The following ENTHD1 variants were observed in gnomAD, a reference collection of about 807,000 sequenced individuals.
The protein encoded by ENTHD1 is ENTH domain-containing protein 1.
In ENTHD1, 23 loss-of-function variants were observed where a neutral mutation model predicts 39.1. That is an observed-to-expected ratio of 0.59 (90% CI 0.42 to 0.83). The LOEUF (loss-of-function observed/expected upper bound fraction) is 0.83, where lower values mean the gene tolerates loss of function less well. ENTHD1 is among the 40% of genes least tolerant of loss of function. ENTHD1 has a pLI of 0.00. For synonymous variants in ENTHD1, 230 were observed against 258.2 expected (o/e 0.89, Z 1.05); for missense variants, 624 against 705.4 (o/e 0.88, Z 1.31).
chr22:39,833,615 T>G (rs529850516), intron 4 of ENTHD1, among the ~76,000 whole-genome samples: 7 of 152,000 alleles, frequency 4.6e-5, no homozygotes, highest in Middle Eastern at 3.4e-3. Flanking sequence ...AATAAATTAC[T>G]AAGCTGGAAG....
chr22:39,749,586 T>C (rs1358117356), intron 6 of ENTHD1, among the ~76,000 whole-genome samples: 2 of 152,240 alleles, frequency 1.3e-5, no homozygotes, highest in Non-Finnish European at 1.5e-5. Context: ...AGGTCTTTGG[T>C]CAACTAAACA....
At chr22:39,820,541 G>A (rs1284135952) in intron 5 of ENTHD1, among the ~76,000 whole-genome samples, 3 of 152,132 alleles carry the variant, frequency 2.0e-5, no homozygotes, top group South Asian at 2.1e-4. Flanking sequence ...GAACTCAATC[G>A]TGTAATTTAT....
At chr22:39,752,792 T>C (rs952652276) in intron 6 of ENTHD1, among the ~76,000 whole-genome samples, 7 of 152,186 alleles carry the variant, frequency 4.6e-5, no homozygotes, top group African/African-American at 1.4e-4. Context: ...CAAGAGTTGC[T>C]GGGGCTTCCT....
chr22:39,861,867 A>T lies in ENTHD1; in HGVS notation c.490T>A (p.Ser164Thr). Residue 164 changes from serine (S) to threonine (T), a missense_variant, in exon 3 of 7, where the codon TCA (serine) becomes ACA (threonine). By Grantham distance (58) the Ser-to-Thr change is moderately conservative (BLOSUM62 1). Transcript: ENST00000325157. The stretch of plus-strand genomic sequence containing the variant: ...GTGCACGCTGTCAGTGAGTTACTTG[A>T]ACCAAGTTGTCTTTTAGAAAACAAT... ...SILFSKRQLG[S>T]SNSLTACTSA... The T allele has an allele frequency of 6.2e-7, 1 of 1,606,246 alleles. No homozygotes were observed. Among genetic ancestry groups the T allele is most frequent in the African/African-American group, 1.3e-5 (1 of 74,998 alleles).
intron 5 of ENTHD1, among the ~76,000 whole-genome samples, chr22:39,820,588 T>C (rs1320451566): frequency 2.6e-5 from 4 of 152,208 alleles, no homozygotes; most frequent in Non-Finnish European, 5.9e-5. Flanking sequence ...ACTGTGCCTT[T>C]CTCTAATGTT....
At position 39,838,592 on chromosome 22, in the gene ENTHD1, A is replaced by G. The variant is rs117985624; in HGVS notation, c.593-2634T>C. Among the ~76,000 whole-genome samples the G allele has an allele frequency of 3.6e-4, 55 of 152,210 alleles. 1 individual carries two copies. The highest frequency in any genetic ancestry group is 6.8e-4 in the Non-Finnish European group (46 of 67,990). On this transcript the variant is annotated intron_variant, in intron 3 of 6. Transcript: ENST00000325157. Reference sequence around the variant, plus strand: ...GTAGCTAGCAATCAGTCACACTCCTATGTGGGCAAACGAGCAGTTCCAATT... The same window carrying G: ...GTAGCTAGCAATCAGTCACACTCCTGTGTGGGCAAACGAGCAGTTCCAATT...
intron 5 of ENTHD1, among the ~76,000 whole-genome samples, chr22:39,769,273 G>A (rs2065303418): frequency 6.6e-6 from 1 of 152,138 alleles, no homozygotes; most frequent in African/African-American, 2.4e-5. Context: ...TACCCCAAAA[G>A]GCAGACTTGG....
intron 5 of ENTHD1, among the ~76,000 whole-genome samples, chr22:39,809,574 G>A (rs1350407985): frequency 1.3e-5 from 2 of 152,342 alleles, no homozygotes; most frequent in East Asian, 3.9e-4. Context: ...AGCTCCATGA[G>A]ATGGGACTGT....
chr22:39,818,153 G>A (rs1469817476), intron 5 of ENTHD1, among the ~76,000 whole-genome samples: 20 of 152,104 alleles, frequency 1.3e-4, no homozygotes, highest in Admixed American at 1.2e-3. Flanking sequence ...ACACAGCCAC[G>A]ATGCTGTCAG....
At chr22:39,765,838 C>G (rs2065272377) in intron 5 of ENTHD1, among the ~76,000 whole-genome samples, 1 of 151,948 alleles carries the variant, frequency 6.6e-6, no homozygotes, top group African/African-American at 2.4e-5. Flanking sequence ...TCTCTCCTCA[C>G]TGAAGCACAA....
rs1172714346 is a variant in ENTHD1 at position 39,765,302 on chromosome 22, A to C, written c.1140T>G (p.Ile380Met). 1 of 1,613,574 alleles carries C rather than the reference A, an allele frequency of 6.2e-7. No individual in the cohort carries two copies. Among genetic ancestry groups the C allele is most frequent in the Admixed American group, 1.7e-5 (1 of 59,854 alleles). ...SFKIFDRVKE[I>M]VINKAYQKPA... Reference sequence around the variant, plus strand: ...GTTTCTGGTAGGCCTTGTTGATTACAATCTCCTTCACTCGGTCAAATATTT... The same window carrying C: ...GTTTCTGGTAGGCCTTGTTGATTACCATCTCCTTCACTCGGTCAAATATTT... Residue 380 changes from isoleucine (I) to methionine (M), a missense_variant, in exon 6 of 7, where the codon ATT (isoleucine) becomes ATG (methionine). By Grantham distance (10) the Ile-to-Met change is conservative (BLOSUM62 1). Transcript: ENST00000325157.
At chr22:39,778,094 C>T (rs967675227) in intron 5 of ENTHD1, among the ~76,000 whole-genome samples, 7 of 152,184 alleles carry the variant, frequency 4.6e-5, no homozygotes, top group Non-Finnish European at 7.4e-5. Context: ...TTAATTCTGA[C>T]GTGAATTAAA....
intron 5 of ENTHD1, among the ~76,000 whole-genome samples, chr22:39,769,161 A>G (rs1290490279): frequency 6.6e-6 from 1 of 152,138 alleles, no homozygotes; most frequent in Non-Finnish European, 1.5e-5. Flanking sequence ...AATGTAAGTT[A>G]CCAGTTCGAT....
intron 5 of ENTHD1, among the ~76,000 whole-genome samples, chr22:39,787,187 C>T (rs2065465791): frequency 6.6e-6 from 1 of 152,114 alleles, no homozygotes. Flanking sequence ...TGAATCTCTC[C>T]CACATAAGAC....
intron 6 of ENTHD1, among the ~76,000 whole-genome samples, chr22:39,746,204 G>A (rs920046482): frequency 4.6e-5 from 7 of 151,824 alleles, no homozygotes; most frequent in South Asian, 4.2e-4. Flanking sequence ...CATTTTCCCC[G>A]CCTCCATCTT....
intron 3 of ENTHD1, among the ~76,000 whole-genome samples, chr22:39,856,865 A>AAAAG (rs1264812049): frequency 1.3e-5 from 2 of 149,312 alleles, no homozygotes; most frequent in African/African-American, 2.5e-5. Flanking sequence ...AAAAAAAAAA[A>AAAAG]AAAGAAAGAA....
intron 4 of ENTHD1, among the ~76,000 whole-genome samples, chr22:39,825,157 A>G (rs1031668858): frequency 6.6e-6 from 1 of 152,172 alleles, no homozygotes; most frequent in Non-Finnish European, 1.5e-5. Context: ...ATACCTAAGT[A>G]TTTCAATTTG....
chr22:39,748,355 TTAA>T (rs2065122899), intron 6 of ENTHD1, among the ~76,000 whole-genome samples: 1 of 151,946 alleles, frequency 6.6e-6, no homozygotes, highest in African/African-American at 2.4e-5. Flanking sequence ...AAAGAATAAC[TTAA>T]TAAGAAACAT....
At chr22:39,802,050 A>G (rs1189628781) in intron 5 of ENTHD1, among the ~76,000 whole-genome samples, 1 of 152,154 alleles carries the variant, frequency 6.6e-6, no homozygotes, top group East Asian at 1.9e-4. Flanking sequence ...AGCCAACTCA[A>G]ATGTAACAAG....
Sources: allele counts gnomAD v4.1 joint callset (sites outside exome capture counted in the v4.1 genomes callset), GRCh38; gene constraint gnomAD v4.1.1; transcripts MANE v1.5; gene names NCBI Gene and HGNC (gene_info 2026-07-23, HGNC 2026-07-21).